TACR2: variants seen among roughly 807,000 people sequenced by gnomAD.
TACR2 encodes the protein substance-K receptor.
TACR2 carries 24 observed loss-of-function variants against 28.9 expected under a neutral mutation model. The observed-to-expected ratio is 0.83, with a 90% confidence interval of 0.60 to 1.17. TACR2 has a LOEUF of 1.17. TACR2 is among the 50% of genes most tolerant of loss of function. TACR2 has a pLI of 0.00. For missense variants in TACR2, 487 were observed against 524.4 expected (o/e 0.93, Z 0.70); for synonymous variants, 222 against 212.6 (o/e 1.04, Z -0.38).
chr10:69,408,054 C>T (rs1385360710), intron 3 of TACR2, among the ~76,000 whole-genome samples: 5 of 152,158 alleles, frequency 3.3e-5, no homozygotes, highest in African/African-American at 7.2e-5. Context: ...TAACCCATTA[C>T]CTCCCCTGTT....
At position 69,415,109 on chromosome 10, in the gene TACR2, A is replaced by T; in HGVS notation, c.423T>A (p.Pro141=). ...RYMAIVHPFQ[P]RLSAPSTKAV... ...CCTTGGTGCTGGGAGCTGAAAGCCG[A>T]GGCTGGAAGGGGTGGACGATGGCCA... The change falls in exon 2 of 5, where the codon CCT becomes CCA. Residue 141 remains proline, a synonymous_variant. Coordinates refer to ENST00000373306, the MANE Select transcript of TACR2 (RefSeq NM_001057.3). The T allele has an allele frequency of 1.2e-6, 2 of 1,612,646 alleles. No homozygotes were observed. Among genetic ancestry groups the T allele is most frequent in the Non-Finnish European group, 1.7e-6 (2 of 1,179,956 alleles).
intron 3 of TACR2, 36 bp downstream of exon 3, chr10:69,408,884 AGG>A: frequency 4.0e-5 from 1 of 25,202 alleles, no homozygotes; most frequent in Non-Finnish European, 6.4e-5. Flanking sequence ...CGCCCCCTCC[AGG>A]CCCCGCCCCC....
chr10:69,408,669 C>T (rs758342433), intron 3 of TACR2, among the ~76,000 whole-genome samples: 1 of 152,192 alleles, frequency 6.6e-6, no homozygotes, highest in Non-Finnish European at 1.5e-5. Context: ...GGGAGGAACG[C>T]GGTCAGGCTC....
chr10:69,408,121 T>G (rs75986183), intron 3 of TACR2, among the ~76,000 whole-genome samples: 8,823 of 152,028 alleles, frequency 0.058, 812 homozygotes, highest in African/African-American at 0.19. Context: ...AAGGGGGTCT[T>G]GGGCACAGAG....
At position 69,408,954 on chromosome 10, in the gene TACR2, C is replaced by CACCGTGCGCCTG; in HGVS notation, c.697_708dup (p.Gln233_Gly236dup). On this transcript the variant is annotated inframe_insertion, in exon 3 of 5. Coordinates refer to ENST00000373306, the MANE Select transcript of TACR2 (RefSeq NM_001057.3). ...ATGGCCTGCAGGTGGCGCAGGTTGGCACCGTGCGCCTGATGTCCGGGCACT... is the reference window on the plus strand; with the variant it reads ...ATGGCCTGCAGGTGGCGCAGGTTGGCACCGTGCGCCTGACCGTGCGCCTGATGTCCGGGCACT... The CACCGTGCGCCTG allele has an allele frequency of 6.3e-7, 1 of 1,588,090 alleles. No individual in the cohort carries two copies. Among genetic ancestry groups the CACCGTGCGCCTG allele is most frequent in the African/African-American group, 1.4e-5 (1 of 72,848 alleles).
At chr10:69,407,740 A>T (rs1008387130) in intron 3 of TACR2, among the ~76,000 whole-genome samples, 3 of 150,264 alleles carry the variant, frequency 2.0e-5, no homozygotes. Context: ...CCAACCAGGG[A>T]CCCCTGCCTC....
rs925872298 is a variant in TACR2 at position 69,413,123 on chromosome 10, G to A, written c.587+1822C>T. 3.3e-5 allele frequency among the ~76,000 whole-genome samples: 5 copies of A among 152,092 alleles called. No individual in the cohort carries two copies. The East Asian group carries it at 7.7e-4, about 23-fold the overall frequency. On this transcript the variant is annotated intron_variant, in intron 2 of 4. Coordinates refer to ENST00000373306, the MANE Select transcript of TACR2 (RefSeq NM_001057.3). ...GTCTTTTTGTATTTTGATTTTGGGG[G>A]TGTGTGCGCATGTTCCTGAAGAGGG...
rs573219617 is a variant in TACR2 at position 69,415,844 on chromosome 10, G to A, written c.392+88C>T. The A allele has an allele frequency of 1.7e-4, 246 of 1,475,744 alleles. 4 individuals are homozygous for A. The Admixed American group carries it at 4.7e-3, about 28-fold the overall frequency. The allele number at this position is 1,475,744 out of a possible 1,614,324, so 91.4% of individuals were successfully genotyped here. On this transcript the variant is annotated intron_variant, in intron 1 of 4. Coordinates refer to ENST00000373306, the MANE Select transcript of TACR2 (RefSeq NM_001057.3). ...CATTCCCATGGTTCTACCCAAACTT[G>A]CTGTGTAATCACAGGCATGTCACCA...
intron 2 of TACR2, among the ~76,000 whole-genome samples, chr10:69,410,627 G>A (rs986954641): frequency 1.3e-5 from 2 of 151,710 alleles, no homozygotes; most frequent in Admixed American, 6.6e-5. Context: ...CTGACTCCTC[G>A]GCAGGTCTGC....
intron 2 of TACR2, among the ~76,000 whole-genome samples, chr10:69,409,931 A>ATG (rs1158040958): frequency 5.1e-5 from 5 of 97,194 alleles, no homozygotes; most frequent in African/African-American, 7.9e-5. Context: ...ATATATATAT[A>ATG]TATATATATA....
chr10:69,412,108 C>T (rs1840573831), intron 2 of TACR2, among the ~76,000 whole-genome samples: 1 of 152,206 alleles, frequency 6.6e-6, no homozygotes, highest in African/African-American at 2.4e-5. Flanking sequence ...GCGTGAGCCA[C>T]CGCGCCTGGC....
chr10:69,413,760 A>G (rs1840587806), intron 2 of TACR2, among the ~76,000 whole-genome samples: 4 of 152,174 alleles, frequency 2.6e-5, no homozygotes, highest in Admixed American at 6.5e-5. Context: ...CAGACCATGC[A>G]CACCCTCATG....
At chr10:69,406,915 A>G (rs936487000) in intron 4 of TACR2, among the ~76,000 whole-genome samples, 169 bp downstream of exon 4, 8 of 152,138 alleles carry the variant, frequency 5.3e-5, no homozygotes, top group Admixed American at 5.2e-4. Context: ...CAGAGGGATT[A>G]TTGTGCTGGG....
In TACR2 at chr10:69,415,108, G is replaced by A. The variant is rs200692704; in HGVS notation, c.424C>T (p.Arg142Trp). 1.5e-5 allele frequency: 24 copies of A among 1,612,564 alleles called. No individual in the cohort carries two copies. Among genetic ancestry groups the A allele is most frequent in the East Asian group, 1.1e-4 (5 of 44,896 alleles). ...GCCTTGGTGCTGGGAGCTGAAAGCC[G>A]AGGCTGGAAGGGGTGGACGATGGCC... is the stretch of plus-strand genomic sequence containing the variant. Reference protein sequence around the residue: ...YMAIVHPFQPRLSAPSTKAVI... With the variant: ...YMAIVHPFQPWLSAPSTKAVI... The change falls in exon 2 of 5, where the codon CGG becomes TGG. Residue 142 changes from arginine to tryptophan, a missense_variant. Transcript: ENST00000373306.
In TACR2 at chr10:69,415,873, T is replaced by G; in HGVS notation, c.392+59A>C. ...TGTAATCACAGGCATGTCACCACCC[T>G]TATCTGAGCCCCGGCTCAGTGGGGA... On this transcript the variant is annotated intron_variant, in intron 1 of 4. Transcript: ENST00000373306. 3.2e-6 allele frequency: 5 copies of G among 1,575,370 alleles called. No homozygotes were observed. In the South Asian group the frequency reaches 5.9e-5, roughly 19 times the overall value.
Position 69,404,835 on chromosome 10 carries a change from A to C in TACR2, c.1188T>G (p.Val396=). Residue 396 remains valine, a synonymous_variant, in exon 5 of 5, where the codon GTT becomes GTG. Transcript: ENST00000373306. ...CACTGCCACATTGGGATCAAATTTC[A>C]ACATGAGTTTTGGTGGGGGCAAGCA... ...YGLLAPTKTH[V]EI is the part of the protein sequence containing the mutation. 6.5e-7 allele frequency: 1 copy of C among 1,538,192 alleles called. No homozygotes were observed. Among genetic ancestry groups the C allele is most frequent in the South Asian group, 1.2e-5 (1 of 81,582 alleles).
intron 2 of TACR2, among the ~76,000 whole-genome samples, chr10:69,409,908 T>TAC (rs1407170536): frequency 3.8e-4 from 8 of 21,284 alleles, no homozygotes; most frequent in East Asian, 3.4e-3. Flanking sequence ...TATATACATA[T>TAC]ATATATATAT....
At chr10:69,409,543 A>G (rs1840541187) in intron 2 of TACR2, among the ~76,000 whole-genome samples, 1 of 152,206 alleles carries the variant, frequency 6.6e-6, no homozygotes, top group African/African-American at 2.4e-5. Flanking sequence ...CCCGGGTTTC[A>G]GTAACCCCTC....
intron 2 of TACR2, 123 bp downstream of exon 2, chr10:69,414,822 G>A: frequency 9.5e-7 from 1 of 1,055,472 alleles, no homozygotes; most frequent in Non-Finnish European, 1.4e-6. Flanking sequence ...ACTCACTCAT[G>A]TGTACACCCA....
Sources: gnomAD v4.1 joint callset for allele counts (sites outside exome capture counted in the v4.1 genomes callset) on GRCh38, gnomAD v4.1.1 for gene constraint, MANE v1.5 for transcripts, NCBI Gene and HGNC (gene_info 2026-07-23, HGNC 2026-07-21) for gene names.